Variants in SLC29A1 observed in about 807,000 individuals in gnomAD.
SLC29A1 encodes the protein equilibrative nucleoside transporter 1.
In SLC29A1, 22 loss-of-function variants were observed where a neutral mutation model predicts 48.3. The observed-to-expected ratio is 0.46, with a 90% CI of 0.33 to 0.65. SLC29A1 has a LOEUF of 0.65. Among genes scored for constraint, SLC29A1 ranks in the 30% least tolerant of loss-of-function variants. The pLI, the probability that SLC29A1 is intolerant of heterozygous loss-of-function variation, is 0.03. For missense variants in SLC29A1, 491 were observed against 575.3 expected, an observed-to-expected ratio of 0.85 and a Z score of 1.50; for synonymous variants, 228 against 231.0, an observed-to-expected ratio of 0.99 and a Z score of 0.12.
chr6:44,224,005 TGG>T, intron 1 of SLC29A1: 1 of 877,460 alleles, frequency 1.1e-6, no homozygotes, highest in Non-Finnish European at 1.4e-6. Flanking sequence ...CGGAGGGGTA[TGG>T]GGATGGGGAT....
chr6:44,225,234 A>G (rs1024594570), intron 1 of SLC29A1, among the ~76,000 whole-genome samples: 1 of 152,152 alleles, frequency 6.6e-6, no homozygotes, highest in African/African-American at 2.4e-5. Flanking sequence ...GGCAGGGCTC[A>G]GTGGCTCATG....
chr6:44,230,901 C>A lies in SLC29A1; in HGVS notation c.766+12C>A. ...CCTCATTAGCAAAGGTCCGAAGAGC[C>A]TGAGGAAGCTGGGGTGGAGGATGGT... On this transcript the variant is annotated intron_variant, in intron 8 of 12. Transcript: ENST00000371755. The A allele has an allele frequency of 6.2e-7, 1 of 1,608,200 alleles. No homozygotes were observed. Among genetic ancestry groups the A allele is most frequent in the Non-Finnish European group, 8.5e-7 (1 of 1,174,798 alleles).
chr6:44,219,729 C>T (rs1190710474), upstream of SLC29A1: 1 of 1,288,954 alleles, frequency 7.8e-7, no homozygotes, highest in African/African-American at 1.5e-5. Flanking sequence ...GCCCGCAGGC[C>T]TGGGAATTTC....
chr6:44,230,704 G>GT, intron 7 of SLC29A1, 39 bp downstream of exon 7: 3 of 1,078,846 alleles, frequency 2.8e-6, no homozygotes, highest in Non-Finnish European at 4.2e-6. Flanking sequence ...GGGTATAGGG[G>GT]TCTGGGGTTC....
upstream of SLC29A1, among the ~76,000 whole-genome samples, chr6:44,220,685 C>T (rs1471115198): frequency 2.0e-5 from 3 of 150,178 alleles, no homozygotes; most frequent in Non-Finnish European, 4.4e-5. Flanking sequence ...ATTAGCTGGG[C>T]GTGGTGGCAC....
Position 44,226,902 on chromosome 6 carries a change from T to C in SLC29A1, c.-51-361T>C, listed in dbSNP as rs1777666236. On this transcript the variant is annotated intron_variant, in intron 1 of 12. Coordinates refer to ENST00000371755, the MANE Select transcript of SLC29A1 (RefSeq NM_001372327.1). ...ACCCCTCTCGTCCTCTTGCCTGCCT[T>C]CTTTGACTGTCTTTCCCTCCCTCCC... The C allele has an allele frequency of 4.7e-6, 5 of 1,060,296 alleles. No homozygotes were observed. In the Admixed American group the frequency reaches 2.4e-4, roughly 52 times the overall value. 65.7% of individuals were successfully genotyped at this position (1,060,296 alleles called of 1,614,324 possible).
At chr6:44,223,346 C>T (rs1288930074), upstream of SLC29A1, among the ~76,000 whole-genome samples, 1 of 152,084 alleles carries the variant, frequency 6.6e-6, no homozygotes, top group African/African-American at 2.4e-5. This position sits in a 1 kb window ranked among gnomAD's most constrained non-coding sequence, Gnocchi z 5.0. Flanking sequence ...ATGTACCCCA[C>T]ACGATGGACA....
At chr6:44,224,738 G>A (rs545725121) in intron 1 of SLC29A1, among the ~76,000 whole-genome samples, 2 of 152,240 alleles carry the variant, frequency 1.3e-5, no homozygotes, top group East Asian at 1.9e-4. Context: ...GAGAGGTGTT[G>A]GGAGTCTGGA....
Position 44,233,437 on chromosome 6 carries a change from C to A in SLC29A1, c.1280C>A (p.Ala427Glu), listed in dbSNP as rs1316784936. The A allele has an allele frequency of 6.2e-7, 1 of 1,613,966 alleles. No individual in the cohort carries two copies. The highest frequency in any genetic ancestry group is 1.1e-5 in the South Asian group (1 of 91,074). The change falls in exon 13 of 13, where the codon GCA becomes GAA. Residue 427 changes from alanine to glutamate, a missense_variant. Transcript: ENST00000371755. ...FGPKKVKPAE[A>E]ETAGAIMAFF... ...CTTAGGAAAGTGAAGCCAGCTGAGG[C>A]AGAGACCGCAGGAGCCATCATGGCC...
upstream of SLC29A1, among the ~76,000 whole-genome samples, chr6:44,220,368 GAGAC>G (rs1417414040): frequency 1.9e-5 from 2 of 108,028 alleles, no homozygotes; most frequent in African/African-American, 6.7e-5. Context: ...TTTTTTTTAA[GAGAC>G]AGAGTCTCCC....
chr6:44,232,473 T>G lies in SLC29A1; in HGVS notation c.1059+45T>G. On this transcript the variant is annotated intron_variant, in intron 11 of 12. Coordinates refer to ENST00000371755, the MANE Select transcript of SLC29A1 (RefSeq NM_001372327.1). This position sits in a 1 kb window ranked among gnomAD's most constrained non-coding sequence, Gnocchi z 4.7. Reference sequence around the variant, plus strand: ...CCCAGGCCCCTGTGGGAAGTAAGAGTCCAGCCTGGACCCAGAGAGGGAACC... The same window carrying G: ...CCCAGGCCCCTGTGGGAAGTAAGAGGCCAGCCTGGACCCAGAGAGGGAACC... 1 of 1,324,596 alleles carries G rather than the reference T, an allele frequency of 7.5e-7. No homozygotes were observed. The highest frequency in any genetic ancestry group is 1.1e-6 in the Non-Finnish European group (1 of 924,608). The allele number at this position is 1,324,596 out of a possible 1,614,324, so 82.1% of individuals were successfully genotyped here. A position where few individuals can be genotyped will look rare whatever the true frequency, so the allele number is the denominator to read the frequency against.
Position 44,227,068 on chromosome 6 carries a change from G to A in SLC29A1, c.-51-195G>A, listed in dbSNP as rs1036066204. On this transcript the variant is annotated intron_variant, in intron 1 of 12. Transcript: ENST00000371755. ...GAGTCTGAGCAGGCAGGGGGGCCGC[G>A]CAGGACTGGCCTGCTGGGCCAGGGG... 3.1e-5 allele frequency: 43 copies of A among 1,389,550 alleles called. No homozygotes were observed. The East Asian group carries it at 6.0e-4, about 19-fold the overall frequency. The allele number at this position is 1,389,550 out of a possible 1,614,324, so 86.1% of individuals were successfully genotyped here. A position where few individuals can be genotyped will look rare whatever the true frequency, so the allele number is the denominator to read the frequency against.
In SLC29A1 at chr6:44,223,945, C is replaced by T; in HGVS notation, c.-52+304C>T. The T allele has an allele frequency of 4.0e-6, 4 of 988,958 alleles. No individual in the cohort carries two copies. The highest frequency in any genetic ancestry group is 4.8e-6 in the Non-Finnish European group (4 of 832,496). The allele number at this position is 988,958 out of a possible 1,614,324, so 61.3% of individuals were successfully genotyped here. On this transcript the variant is annotated intron_variant, in intron 1 of 12. Coordinates refer to ENST00000371755, the MANE Select transcript of SLC29A1 (RefSeq NM_001372327.1). This position sits in a 1 kb window ranked among gnomAD's most constrained non-coding sequence, Gnocchi z 5.0. ...GGGCAGGCGAGTGGACGGGTGATCCCCATCGATCTGGTCGGTATCAGGGAG... is the reference window on the plus strand; with the variant it reads ...GGGCAGGCGAGTGGACGGGTGATCCTCATCGATCTGGTCGGTATCAGGGAG...
intron 1 of SLC29A1, among the ~76,000 whole-genome samples, chr6:44,224,137 CT>C (rs1232570212): frequency 6.6e-6 from 1 of 152,084 alleles, no homozygotes; most frequent in Non-Finnish European, 1.5e-5. Flanking sequence ...CTGCGCACGT[CT>C]TCATTTACTG....
intron 1 of SLC29A1, among the ~76,000 whole-genome samples, chr6:44,225,503 G>A (rs1388004176): frequency 2.3e-5 from 3 of 129,644 alleles, no homozygotes; most frequent in East Asian, 4.2e-4. Context: ...CAAAAACTCC[G>A]TCTCAAAAAA....
chr6:44,222,968 G>C (rs1776634292), upstream of SLC29A1, among the ~76,000 whole-genome samples: 1 of 152,254 alleles, frequency 6.6e-6, no homozygotes, highest in African/African-American at 2.4e-5. Flanking sequence ...CCAAGTCAAA[G>C]TTGTGAGTGG....
chr6:44,231,427 A>G lies in SLC29A1; in HGVS notation c.830A>G (p.Asn277Ser), dbSNP rs2153303246. Reference sequence around the variant, plus strand: ...TCAGTCTCCAACTCTCAGCCCACCAATGAAAGCCACTCTATCAAAGCCATC... The same window carrying G: ...TCAGTCTCCAACTCTCAGCCCACCAGTGAAAGCCACTCTATCAAAGCCATC... ...GVSVSNSQPT[N>S]ESHSIKAILK... The change falls in exon 9 of 13, where the codon AAT becomes AGT. Residue 277 changes from asparagine to serine, a missense_variant. Coordinates refer to ENST00000371755, the MANE Select transcript of SLC29A1 (RefSeq NM_001372327.1). 5.0e-6 allele frequency: 8 copies of G among 1,607,530 alleles called. No individual in the cohort carries two copies. The highest frequency in any genetic ancestry group is 1.1e-5 in the South Asian group (1 of 90,020).
At position 44,223,835 on chromosome 6, in the gene SLC29A1, C is replaced by T. The variant is rs1776818576; in HGVS notation, c.-52+194C>T. ...GCGCACGGGCCAGGGAGCCTGAGGA[C>T]CCTGCGGGGACCGGGACCCAAGCTG... is the stretch of plus-strand genomic sequence containing the variant. On this transcript the variant is annotated intron_variant, in intron 1 of 12. Coordinates refer to ENST00000371755, the MANE Select transcript of SLC29A1 (RefSeq NM_001372327.1). This position sits in a 1 kb window ranked among gnomAD's most constrained non-coding sequence, Gnocchi z 5.0. 1 of 1,002,714 alleles carries T rather than the reference C, an allele frequency of 1.0e-6. No homozygotes were observed. Among genetic ancestry groups the T allele is most frequent in the Non-Finnish European group, 1.2e-6 (1 of 840,664 alleles). The allele number at this position is 1,002,714 out of a possible 1,614,324, so 62.1% of individuals were successfully genotyped here.
In SLC29A1 at chr6:44,232,946, T is replaced by C; in HGVS notation, c.1199T>C (p.Met400Thr). 1 of 1,614,142 alleles carries C rather than the reference T, an allele frequency of 6.2e-7. No homozygotes were observed. Among genetic ancestry groups the C allele is most frequent in the South Asian group, 1.1e-5 (1 of 91,092 alleles). ...FEHDAWFIFF[M>T]AAFAFSNGYL... ...CACGATGCCTGGTTCATCTTCTTCA[T>C]GGCTGCCTTTGCCTTCTCCAACGGC... is the stretch of plus-strand genomic sequence containing the variant. The change falls in exon 12 of 13, where the codon ATG (methionine) becomes ACG (threonine). Residue 400 changes from methionine to threonine, a missense_variant. Met to Thr is a moderately conservative substitution (Grantham distance 81, BLOSUM62 -1). Coordinates refer to ENST00000371755, the MANE Select transcript of SLC29A1 (RefSeq NM_001372327.1). This position sits in a 1 kb window ranked among gnomAD's most constrained non-coding sequence, Gnocchi z 4.7.
Sources: gnomAD v4.1 joint callset for allele counts (sites outside exome capture counted in the v4.1 genomes callset) on GRCh38, gnomAD v4.1.1 for gene constraint, Gnocchi (gnomAD v3.1) non-coding constraint, MANE v1.5 for transcripts, NCBI Gene and HGNC (gene_info 2026-07-23, HGNC 2026-07-21) for gene names.